The following TAF4B variants were observed in gnomAD, a reference collection of about 807,000 sequenced individuals.
TAF4B encodes TATA-box binding protein associated factor 4b, also known as transcription initiation factor TFIID subunit 4B.
Under a neutral mutation model 86.4 loss-of-function variants are expected in TAF4B, and 38 were observed. The ratio of observed to expected loss-of-function variants is 0.44; its 90% CI spans 0.34 to 0.58. TAF4B has a LOEUF of 0.58. TAF4B is among the 20% of genes least tolerant of loss of function. TAF4B has a pLI of 0.02. For missense variants in TAF4B, 988 were observed against 1,027.6 expected (o/e 0.96, Z 0.53); for synonymous variants, 388 against 391.2 (o/e 0.99, Z 0.10).
At chr18:26,316,485 G>A (rs564294189) in intron 10 of TAF4B, among the ~76,000 whole-genome samples, 3 of 151,896 alleles carry the variant, frequency 2.0e-5, no homozygotes, top group Admixed American at 1.3e-4. Context: ...CTGCCTCCCA[G>A]GTTCAAGTGA....
chr18:26,253,783 T>G (rs1260462087), intron 1 of TAF4B, among the ~76,000 whole-genome samples: 4 of 152,132 alleles, frequency 2.6e-5, no homozygotes, highest in Non-Finnish European at 4.4e-5. Flanking sequence ...CTTTCTTGAG[T>G]CAATTTCAGT....
intron 6 of TAF4B, among the ~76,000 whole-genome samples, chr18:26,283,897 TAA>T (rs1189058816): frequency 5.3e-5 from 8 of 151,872 alleles, no homozygotes; most frequent in African/African-American, 1.9e-4. Context: ...CTAAAAAAAA[TAA>T]AAAAGTTAGT....
chr18:26,286,477 A>G lies in TAF4B; in HGVS notation c.1568A>G (p.Gln523Arg). ...CTTTCACAACCAGCTGGGATTCCAC[A>G]GGCAGTTCAAGTCAAGCAACTAGTG... ...PVLSQPAGIP[Q>R]AVQVKQLVVQ... The change falls in exon 7 of 15, where the codon CAG (glutamine) becomes CGG (arginine). Residue 523 changes from glutamine (Q) to arginine (R), a missense_variant. Gln to Arg is a conservative substitution (Grantham distance 43, BLOSUM62 1). This residue lies in a region of TAF4B where 747 missense variants were observed against 737.9 expected (regional missense o/e 1.01). Transcript: ENST00000269142. 1 of 1,610,912 alleles carries G rather than the reference A, an allele frequency of 6.2e-7. No individual in the cohort carries two copies. Among genetic ancestry groups the G allele is most frequent in the Non-Finnish European group, 8.5e-7 (1 of 1,179,126 alleles).
chr18:26,300,666 A>G lies in TAF4B; in HGVS notation c.1832+7135A>G, dbSNP rs138343974. On this transcript the variant is annotated intron_variant, in intron 9 of 14. Coordinates refer to ENST00000269142, the MANE Select transcript of TAF4B (RefSeq NM_005640.3). ...TTCTCAGTGTGACTAATTTTGATTA[A>G]TATCTCATGAGCACTTGGGAGAAAA... 2.0e-3 allele frequency among the ~76,000 whole-genome samples: 299 copies of G among 152,214 alleles called. 1 individual carries two copies. The highest frequency in any genetic ancestry group is 7.0e-3 in the African/African-American group (292 of 41,542).
At position 26,226,839 on chromosome 18, in the gene TAF4B, C is replaced by T; in HGVS notation, c.-95C>T. On this transcript the variant is annotated 5_prime_UTR_variant, in exon 1 of 15. Transcript: ENST00000269142. ...CCTCTCCCCAGCGATGCTGTGGAAC[C>T]CGAACCGCACCGGAGTCGGCTGCCG... is the stretch of plus-strand genomic sequence containing the variant. 9.4e-7 allele frequency: 1 copy of T among 1,067,174 alleles called. No homozygotes were observed. Among genetic ancestry groups the T allele is most frequent in the Non-Finnish European group, 1.2e-6 (1 of 811,332 alleles). 66.1% of individuals were successfully genotyped at this position (1,067,174 alleles called of 1,614,324 possible).
intron 14 of TAF4B, among the ~76,000 whole-genome samples, chr18:26,377,633 C>T (rs897796949): frequency 7.9e-5 from 12 of 152,194 alleles, no homozygotes; most frequent in African/African-American, 2.9e-4. Flanking sequence ...ACTCTTCTGG[C>T]ACAAAGAACA....
At chr18:26,385,016 A>G (rs1013306299) in intron 14 of TAF4B, among the ~76,000 whole-genome samples, 3 of 152,180 alleles carry the variant, frequency 2.0e-5, no homozygotes, top group Non-Finnish European at 4.4e-5. Context: ...GCATGAAGCT[A>G]CATTACCGTG....
intron 13 of TAF4B, among the ~76,000 whole-genome samples, chr18:26,353,081 T>C (rs1038068941): frequency 1.3e-5 from 2 of 152,160 alleles, no homozygotes; most frequent in Non-Finnish European, 2.9e-5. Context: ...TATGAGGCCA[T>C]TGTTGCCCTA....
chr18:26,232,778 A>G (rs904998825), intron 1 of TAF4B, among the ~76,000 whole-genome samples: 2 of 152,218 alleles, frequency 1.3e-5, no homozygotes, highest in Admixed American at 6.5e-5. Context: ...CAAACAGTCT[A>G]TTTGGGATTG....
intron 1 of TAF4B, among the ~76,000 whole-genome samples, chr18:26,229,490 CTTTCT>C (rs1344508846): frequency 0.012 from 1,416 of 121,350 alleles, 19 homozygotes; most frequent in African/African-American, 0.039. Context: ...ATCTTTCTTT[CTTTCT>C]TTTTTTTTTT....
intron 7 of TAF4B, among the ~76,000 whole-genome samples, chr18:26,290,127 G>A (rs894353837): frequency 6.6e-6 from 1 of 152,058 alleles, no homozygotes; most frequent in African/African-American, 2.4e-5. Flanking sequence ...GGTAAAGGAA[G>A]ACAAAAGTTT....
At position 26,346,791 on chromosome 18, in the gene TAF4B, A is replaced by G. The variant is rs1218882656; in HGVS notation, c.2317-10899A>G. 4.8e-4 allele frequency among the ~76,000 whole-genome samples: 14 copies of G among 29,308 alleles called. 1 individual carries two copies. Among genetic ancestry groups the G allele is most frequent in the African/African-American group, 1.0e-3 (13 of 12,558 alleles). 19.2% of individuals were successfully genotyped at this position (29,308 alleles called of 152,430 possible). A position where few individuals can be genotyped will look rare whatever the true frequency, so the allele number is the denominator to read the frequency against. On this transcript the variant is annotated intron_variant, in intron 13 of 14. Coordinates refer to ENST00000269142, the MANE Select transcript of TAF4B (RefSeq NM_005640.3). ...TATATATATGTGTGTGTATATATAT[A>G]TATATATGTGTATATATATATATAT...
At chr18:26,331,777 A>T (rs1273669859) in intron 12 of TAF4B, among the ~76,000 whole-genome samples, 1 of 152,198 alleles carries the variant, frequency 6.6e-6, no homozygotes, top group Admixed American at 6.5e-5. Flanking sequence ...TTGGACTTTC[A>T]TACTAACTTC....
intron 13 of TAF4B, among the ~76,000 whole-genome samples, chr18:26,335,961 G>A (rs953275552): frequency 3.3e-5 from 5 of 152,136 alleles, no homozygotes; most frequent in Admixed American, 6.5e-5. Flanking sequence ...GGATCTCACT[G>A]GAGTTGCCCC....
rs2056525608 is a variant in TAF4B at position 26,286,515 on chromosome 18, T to C, written c.1590+16T>C. On this transcript the variant is annotated intron_variant, in intron 7 of 14. Transcript: ENST00000269142. ...CAAGCAACTAGTGAGTAACATTTTG[T>C]TTCTTCCCCAGTTACTTATTTTGAA... The C allele has an allele frequency of 6.4e-7, 1 of 1,572,416 alleles. No individual in the cohort carries two copies. The highest frequency in any genetic ancestry group is 8.6e-7 in the Non-Finnish European group (1 of 1,166,168).
chr18:26,262,632 C>A (rs567507167), intron 1 of TAF4B, among the ~76,000 whole-genome samples: 15 of 152,090 alleles, frequency 9.9e-5, no homozygotes, highest in African/African-American at 3.6e-4. Flanking sequence ...GTGCCTGCCA[C>A]CACCCTCCAC....
At chr18:26,287,928 C>T (rs2056544716) in intron 7 of TAF4B, among the ~76,000 whole-genome samples, 3 of 152,196 alleles carry the variant, frequency 2.0e-5, no homozygotes, top group Admixed American at 2.0e-4. Flanking sequence ...TCCCTTCCCA[C>T]TCTGCATCTC....
intron 5 of TAF4B, among the ~76,000 whole-genome samples, chr18:26,278,041 T>TA (rs2056403324): frequency 6.6e-6 from 1 of 152,238 alleles, no homozygotes. Flanking sequence ...AGAAAATATC[T>TA]AACAAATACC....
intron 9 of TAF4B, among the ~76,000 whole-genome samples, chr18:26,296,336 C>T (rs975198321): frequency 3.9e-5 from 6 of 152,216 alleles, no homozygotes; most frequent in Admixed American, 3.9e-4. Flanking sequence ...TGCATGTAGT[C>T]ATGCTTTGAT....
Sources: allele counts gnomAD v4.1 joint callset (sites outside exome capture counted in the v4.1 genomes callset), GRCh38; gene constraint gnomAD v4.1.1; regional missense constraint gnomAD v4.1.1; transcripts MANE v1.5; gene names NCBI Gene and HGNC (gene_info 2026-07-23, HGNC 2026-07-21).